Variants in SCN2A observed in about 807,000 individuals in gnomAD.
The protein encoded by SCN2A is sodium channel protein type 2 subunit alpha.
A neutral mutation model predicts 188.7 loss-of-function variants in SCN2A; 20 were observed. That is an observed-to-expected ratio of 0.11 (90% CI 0.07 to 0.15). SCN2A has a LOEUF of 0.15. Among genes scored for constraint, SCN2A ranks in the 10% least tolerant of loss-of-function variants. SCN2A has a pLI of 1.00. For synonymous variants in SCN2A, 804 were observed against 833.1 expected (o/e 0.97, Z 0.60); for missense variants, 1,278 against 2,445.0 (o/e 0.52, Z 10.07).
At chr2:165,371,703 C>T (rs551344382) in intron 20 of SCN2A, 4 of 152,068 alleles carry the variant, frequency 2.6e-5, no homozygotes, top group Admixed American at 6.6e-5. Flanking sequence ...ATCTGAAGAA[C>T]CTGAGATGCC....
At chr2:165,305,004 C>T (rs1174770583) in intron 3 of SCN2A, among the ~76,000 whole-genome samples, 2 of 152,144 alleles carry the variant, frequency 1.3e-5, no homozygotes, top group African/African-American at 4.8e-5. Context: ...TTAGAGGAGA[C>T]TGCAATAATC....
intron 1 of SCN2A, among the ~76,000 whole-genome samples, chr2:165,265,820 T>C (rs1694835427): frequency 6.6e-6 from 1 of 151,488 alleles, no homozygotes; most frequent in South Asian, 2.1e-4. Flanking sequence ...TTTCTTTCTT[T>C]CTTCTTTTTT....
chr2:165,344,650 G>A lies in SCN2A; in HGVS notation c.2658G>A (p.Leu886=). ...NSVGALGNLT[L]VLAIIVFIFA... is the part of the protein sequence containing the mutation. ...TGGGGGCTCTAGGAAACCTCACCTT[G>A]GTATTGGCCATCATCGTCTTCATTT... The change falls in exon 16 of 27, where the codon TTG becomes TTA. Residue 886 remains leucine (L), a synonymous_variant. Coordinates refer to ENST00000375437, the MANE Select transcript of SCN2A (RefSeq NM_001040142.2). The A allele has an allele frequency of 6.2e-7, 1 of 1,614,028 alleles. No homozygotes were observed. The highest frequency in any genetic ancestry group is 8.5e-7 in the Non-Finnish European group (1 of 1,179,998).
rs1278261653 is a variant in SCN2A at position 165,344,680 on chromosome 2, T to C, written c.2688T>C (p.Ala896=). ...LVLAIIVFIF[A]VVGMQLFGKS... is the part of the protein sequence containing the mutation. The stretch of plus-strand genomic sequence containing the variant: ...TGGCCATCATCGTCTTCATTTTTGC[T>C]GTGGTCGGCATGCAGCTCTTTGGTA... Residue 896 remains alanine, a synonymous_variant, in exon 16 of 27, where the codon GCT becomes GCC. Transcript: ENST00000375437. 1 of 1,614,024 alleles carries C rather than the reference T, an allele frequency of 6.2e-7. No individual in the cohort carries two copies. Among genetic ancestry groups the C allele is most frequent in the African/African-American group, 1.3e-5 (1 of 74,898 alleles).
intron 14 of SCN2A, among the ~76,000 whole-genome samples, chr2:165,340,825 G>A (rs775427617): frequency 6.6e-5 from 10 of 152,164 alleles, no homozygotes; most frequent in Non-Finnish European, 1.3e-4. Context: ...AACAATGCCT[G>A]AAACTTCTAA....
chr2:165,340,284 A>G (rs747764620), intron 14 of SCN2A, among the ~76,000 whole-genome samples: 26 of 151,122 alleles, frequency 1.7e-4, no homozygotes, highest in South Asian at 4.2e-4. Context: ...TGTCCATGAA[A>G]TTTCAAACAA....
At chr2:165,374,621 T>A in intron 21 of SCN2A, 64 bp from the exon 22 acceptor site, 1 of 1,545,908 alleles carries the variant, frequency 6.5e-7, no homozygotes, top group Non-Finnish European at 8.9e-7. Context: ...TTTAATAATG[T>A]TTAAAAATAA....
rs951196379 is a variant in SCN2A at position 165,365,249 on chromosome 2, C to G, written c.3506C>G (p.Ala1169Gly). The change falls in exon 18 of 27, where the codon GCC becomes GGC. Residue 1169 changes from alanine to glycine, a missense_variant. Around this residue, in one of 17 missense-constraint regions of SCN2A, gnomAD observed 228 missense variants for 297.3 expected, o/e 0.77. Coordinates refer to ENST00000375437, the MANE Select transcript of SCN2A (RefSeq NM_001040142.2). ...VEPEESLEPE[A>G]CFTEDCVRKF... ...CCTGAGGAATCCCTTGAACCTGAAG[C>G]CTGTTTTACAGAAGGTAAGCAAAAC... 6.2e-7 allele frequency: 1 copy of G among 1,613,800 alleles called. No homozygotes were observed. Among genetic ancestry groups the G allele is most frequent in the Non-Finnish European group, 8.5e-7 (1 of 1,179,874 alleles).
chr2:165,332,995 T>C (rs1698779500), intron 14 of SCN2A, among the ~76,000 whole-genome samples: 1 of 152,014 alleles, frequency 6.6e-6, no homozygotes, highest in Admixed American at 6.6e-5. Flanking sequence ...TGTAGCTCCA[T>C]GTACAGAAAG....
At chr2:165,265,849 T>C (rs1051390804) in intron 1 of SCN2A, among the ~76,000 whole-genome samples, 1 of 151,260 alleles carries the variant, frequency 6.6e-6, no homozygotes, top group African/African-American at 2.4e-5. Context: ...ATATATGGGG[T>C]CTAACTCTAT....
At chr2:165,386,706 TA>T in intron 25 of SCN2A, 39 bp from the exon 26 acceptor site, 1 of 1,588,248 alleles carries the variant, frequency 6.3e-7, no homozygotes, top group Admixed American at 1.7e-5. Context: ...CGATTTTTTT[TA>T]AGGTTTCTAA....
At chr2:165,241,928 C>A (rs1354128934) in intron 1 of SCN2A, among the ~76,000 whole-genome samples, 1 of 151,918 alleles carries the variant, frequency 6.6e-6, no homozygotes, top group African/African-American at 2.4e-5. Context: ...ATAGGTGAGG[C>A]AAGTAAATAC....
chr2:165,337,598 C>CTATA (rs1699071237), intron 14 of SCN2A, among the ~76,000 whole-genome samples: 1 of 151,988 alleles, frequency 6.6e-6, no homozygotes, highest in South Asian at 2.1e-4. Context: ...AAAATATTTA[C>CTATA]TATATACATG....
At chr2:165,288,235 A>G (rs1481913188) in intron 1 of SCN2A, among the ~76,000 whole-genome samples, 1 of 152,198 alleles carries the variant, frequency 6.6e-6, no homozygotes, top group Non-Finnish European at 1.5e-5. Context: ...TGGAATTCAG[A>G]GAAAAATCCA....
chr2:165,291,495 C>T (rs201828922), intron 1 of SCN2A, among the ~76,000 whole-genome samples: 2,907 of 43,842 alleles, frequency 0.066, 108 homozygotes, highest in African/African-American at 0.089. Flanking sequence ...TCTTTCTTTT[C>T]TTTCTTTCTT....
intron 23 of SCN2A, among the ~76,000 whole-genome samples, chr2:165,379,283 A>G (rs975380405): frequency 1.6e-4 from 25 of 151,862 alleles, no homozygotes; most frequent in Admixed American, 5.9e-4. Flanking sequence ...AACCACATGG[A>G]TGAGCCTTAA....
chr2:165,256,320 A>G (rs1352050005), intron 1 of SCN2A, among the ~76,000 whole-genome samples: 1 of 151,972 alleles, frequency 6.6e-6, no homozygotes, highest in African/African-American at 2.4e-5. Context: ...TCTTTAATGT[A>G]AATACTATTC....
In SCN2A at chr2:165,370,179, A is replaced by G. The variant is rs916693143; in HGVS notation, c.3729A>G (p.Glu1243=). The G allele has an allele frequency of 2.5e-6, 4 of 1,614,058 alleles. No homozygotes were observed. Among genetic ancestry groups the G allele is most frequent in the Non-Finnish European group, 3.4e-6 (4 of 1,180,012 alleles). Residue 1243 remains glutamate, a synonymous_variant, in exon 20 of 27, where the codon GAA becomes GAG. Transcript: ENST00000375437. The part of the protein sequence containing the change: ...EQRKTIKTML[E]YADKVFTYIF... ...GAAAAACCATTAAGACCATGTTAGA[A>G]TATGCTGACAAGGTTTTCACTTACA...
intron 1 of SCN2A, among the ~76,000 whole-genome samples, chr2:165,275,265 G>A (rs1005772697): frequency 1.7e-4 from 26 of 152,092 alleles, no homozygotes; most frequent in African/African-American, 5.6e-4. Flanking sequence ...CTTTCCTTCA[G>A]GGCTTTTGTT....
Sources: gnomAD v4.1 joint callset for allele counts (sites outside exome capture counted in the v4.1 genomes callset) on GRCh38, gnomAD v4.1.1 for gene constraint, gnomAD v4.1.1 regional missense constraint, MANE v1.5 for transcripts, NCBI Gene and HGNC (gene_info 2026-07-23, HGNC 2026-07-21) for gene names.